Variants in ADAMTSL1 observed in about 807,000 individuals in gnomAD.
The protein encoded by ADAMTSL1 is ADAMTS like 1.
In ADAMTSL1, 126 loss-of-function variants were observed where a neutral mutation model predicts 201.8. The ratio of observed to expected loss-of-function variants is 0.62; its 90% CI spans 0.54 to 0.72. The LOEUF (loss-of-function observed/expected upper bound fraction) is 0.72, where lower values mean the gene tolerates loss of function less well. Among genes scored for constraint, ADAMTSL1 ranks in the 30% least tolerant of loss-of-function variants. The pLI, the probability that ADAMTSL1 is intolerant of heterozygous loss-of-function variation, is 0.00. For missense variants in ADAMTSL1, 2,679 were observed against 2,277.8 expected, an observed-to-expected ratio of 1.18 and a Z score of -3.59; for synonymous variants, 1,121 against 903.4, an observed-to-expected ratio of 1.24 and a Z score of -4.32.
chr9:18,783,436 A>G (rs569279777), intron 19 of ADAMTSL1, among the ~76,000 whole-genome samples: 15 of 152,182 alleles, frequency 9.9e-5, no homozygotes, highest in Non-Finnish European at 1.0e-4. Flanking sequence ...TTGGAGTTAA[A>G]CAAGCACCAC....
chr9:18,219,939 T>C (rs909496346), intron 2 of ADAMTSL1, among the ~76,000 whole-genome samples: 1 of 152,160 alleles, frequency 6.6e-6, no homozygotes, highest in African/African-American at 2.4e-5. Flanking sequence ...TGTGTAAACG[T>C]ATCAGAAAAT....
chr9:18,857,520 C>G (rs1266963050), intron 23 of ADAMTSL1, among the ~76,000 whole-genome samples: 1 of 152,218 alleles, frequency 6.6e-6, no homozygotes, highest in Non-Finnish European at 1.5e-5. Flanking sequence ...TTGGCAAGAA[C>G]ATCACAGAAG....
chr9:18,066,028 A>G (rs1465046029), intron 1 of ADAMTSL1, among the ~76,000 whole-genome samples: 2 of 150,224 alleles, frequency 1.3e-5, no homozygotes, highest in African/African-American at 2.4e-5. Context: ...TGGCACCACC[A>G]CAATGACCAG....
At chr9:18,103,056 T>C (rs1001240991) in intron 1 of ADAMTSL1, among the ~76,000 whole-genome samples, 1 of 152,200 alleles carries the variant, frequency 6.6e-6, no homozygotes, top group Non-Finnish European at 1.5e-5. Context: ...TTTATATATG[T>C]TGTCTGAAAA....
At chr9:18,054,295 T>C (rs1455985779) in intron 1 of ADAMTSL1, among the ~76,000 whole-genome samples, 1 of 152,246 alleles carries the variant, frequency 6.6e-6, no homozygotes, top group Non-Finnish European at 1.5e-5. Context: ...TATTCAAATT[T>C]TGAATTACAG....
chr9:18,866,013 T>C (rs1178489205), intron 23 of ADAMTSL1, among the ~76,000 whole-genome samples: 2 of 151,528 alleles, frequency 1.3e-5, no homozygotes, highest in South Asian at 4.2e-4. Flanking sequence ...GGGTTGGGAA[T>C]GGTTTATTAT....
At chr9:18,860,044 C>CT (rs771381311) in intron 23 of ADAMTSL1, among the ~76,000 whole-genome samples, 9 of 152,190 alleles carry the variant, frequency 5.9e-5, no homozygotes, top group Non-Finnish European at 1.2e-4. Flanking sequence ...GAAAGAGAGA[C>CT]ATTCAGATCA....
chr9:18,374,765 A>C (rs1837208707), intron 2 of ADAMTSL1, among the ~76,000 whole-genome samples: 1 of 152,230 alleles, frequency 6.6e-6, no homozygotes, highest in African/African-American at 2.4e-5. Flanking sequence ...TAATGGTTTT[A>C]AAAAGCAGTA....
At chr9:18,595,037 G>A (rs1329370755) in intron 4 of ADAMTSL1, among the ~76,000 whole-genome samples, 8 of 152,142 alleles carry the variant, frequency 5.3e-5, no homozygotes, top group Non-Finnish European at 8.8e-5. Flanking sequence ...ACTAGAGGAT[G>A]TTCCAAGCCC....
chr9:18,210,110 C>T (rs1391113739), intron 2 of ADAMTSL1, among the ~76,000 whole-genome samples: 2 of 152,024 alleles, frequency 1.3e-5, no homozygotes, highest in Admixed American at 6.6e-5. Flanking sequence ...TCACCAGCCT[C>T]TTTCTCTTAA....
rs1049720717 is a variant in ADAMTSL1, at chr9:18,091,705, A to G, written c.88-72157A>G. Among the ~76,000 whole-genome samples, 9 of 152,282 alleles carry G rather than the reference A, an allele frequency of 5.9e-5. No individual in the cohort carries two copies. The East Asian group carries it at 1.2e-3, about 20-fold the overall frequency. On this transcript the variant is annotated intron_variant, in intron 1 of 29. Coordinates refer to the ADAMTSL1 transcript ENST00000680146. ...TGAGGATAGCCATCACAGTGAACTT[A>G]TAGAGCAATGTGGCATGAGTAATTG...
intron 1 of ADAMTSL1, among the ~76,000 whole-genome samples, chr9:18,500,388 A>C (rs1822770653): frequency 6.6e-6 from 1 of 152,202 alleles, no homozygotes; most frequent in Non-Finnish European, 1.5e-5. Flanking sequence ...ATTCCATAAA[A>C]TTGGCATTTA....
chr9:17,972,337 C>T lies in ADAMTSL1; in HGVS notation c.87+65415C>T, dbSNP rs1309294401. Among the ~76,000 whole-genome samples the T allele has an allele frequency of 6.5e-5, 8 of 122,756 alleles. No individual in the cohort carries two copies. In the South Asian group the frequency reaches 9.2e-4, roughly 14 times the overall value. 80.5% of individuals were successfully genotyped at this position (122,756 alleles called of 152,430 possible). A position where few individuals can be genotyped will look rare whatever the true frequency, so the allele number is the denominator to read the frequency against. On this transcript the variant is annotated intron_variant, in intron 1 of 29. Coordinates refer to the ADAMTSL1 transcript ENST00000680146. Reference sequence around the variant, plus strand: ...CCTCCCCCCAAGCTACAACAGTCCCCGGTGTGTGATGTTCCCCTTCCTGTG... The same window carrying T: ...CCTCCCCCCAAGCTACAACAGTCCCTGGTGTGTGATGTTCCCCTTCCTGTG...
intron 1 of ADAMTSL1, among the ~76,000 whole-genome samples, chr9:17,995,228 G>A (rs937876779): frequency 6.6e-6 from 1 of 152,088 alleles, no homozygotes; most frequent in Non-Finnish European, 1.5e-5. Context: ...CTTCCTGAAG[G>A]GCAGAGAAAG....
chr9:17,936,930 G>A (rs2131335028), intron 1 of ADAMTSL1, among the ~76,000 whole-genome samples: 1 of 152,238 alleles, frequency 6.6e-6, no homozygotes, highest in South Asian at 2.1e-4. Context: ...TGTTTGGGTT[G>A]GGTTGTTGGA....
At chr9:18,102,988 A>G (rs1401704444) in intron 1 of ADAMTSL1, among the ~76,000 whole-genome samples, 1 of 152,178 alleles carries the variant, frequency 6.6e-6, no homozygotes, top group Non-Finnish European at 1.5e-5. Flanking sequence ...TTACATTTGA[A>G]CTGATGCCCT....
At chr9:18,525,865 A>T (rs113890541) in intron 2 of ADAMTSL1, among the ~76,000 whole-genome samples, 14,216 of 152,080 alleles carry the variant, frequency 0.093, 1,956 homozygotes, top group African/African-American at 0.3. Flanking sequence ...TACTTCCAAC[A>T]ATGTGGTCAA....
chr9:18,826,467 A>T lies in ADAMTSL1; in HGVS notation c.4114+4A>T. 6.2e-7 allele frequency: 1 copy of T among 1,611,026 alleles called. No homozygotes were observed. Among genetic ancestry groups the T allele is most frequent in the Non-Finnish European group, 8.5e-7 (1 of 1,178,668 alleles). On this transcript the variant is annotated splice_donor_region_variant and intron_variant, in intron 22 of 28. Transcript: ENST00000380548. ...AGCACCCAGCTGCTGATCCTAGGTA[A>T]ACACTTCAAAGCTGGCTGCCTCTGC...
rs192180005 is a variant in ADAMTSL1, at chr9:18,289,620, C to T, written c.207+125639C>T. On this transcript the variant is annotated intron_variant, in intron 2 of 29. Coordinates refer to the ADAMTSL1 transcript ENST00000680146. ...TTATCTGCAATCAGCCAGAGAGGCTCAGTTACCAGAAAACCCTGACTTCTC... is the reference window on the plus strand; with the variant it reads ...TTATCTGCAATCAGCCAGAGAGGCTTAGTTACCAGAAAACCCTGACTTCTC... Among the ~76,000 whole-genome samples the T allele has an allele frequency of 5.3e-5, 8 of 152,304 alleles. No individual in the cohort carries two copies. The East Asian group carries it at 1.5e-3, about 29-fold the overall frequency.
Sources: gnomAD v4.1 joint callset for allele counts (sites outside exome capture counted in the v4.1 genomes callset) on GRCh38, gnomAD v4.1.1 for gene constraint, MANE v1.5 for transcripts, NCBI Gene and HGNC (gene_info 2026-07-23, HGNC 2026-07-21) for gene names.